POT1: variants seen among roughly 807,000 people sequenced by gnomAD.
The protein encoded by POT1 is protection of telomeres protein 1.
In POT1, 47 loss-of-function variants were observed where a neutral mutation model predicts 78.5. The observed-to-expected ratio is 0.60, with a 90% CI of 0.47 to 0.76. The LOEUF (loss-of-function observed/expected upper bound fraction) is 0.76. POT1 is among the 30% of genes least tolerant of loss of function. The pLI, the probability that POT1 is intolerant of heterozygous loss-of-function variation, is 0.00. For missense variants in POT1, 646 were observed against 749.9 expected, an observed-to-expected ratio of 0.86 and a Z score of 1.62; for synonymous variants, 259 against 260.7, an observed-to-expected ratio of 0.99 and a Z score of 0.06.
At chr7:124,848,143 C>G (rs1183239850) in intron 11 of POT1, among the ~76,000 whole-genome samples, 2 of 152,046 alleles carry the variant, frequency 1.3e-5, no homozygotes, top group East Asian at 3.9e-4. Flanking sequence ...AGTTCTAGAA[C>G]AGCAAATCTA....
intron 9 of POT1, among the ~76,000 whole-genome samples, chr7:124,855,398 C>T (rs1446659927): frequency 6.6e-6 from 1 of 151,522 alleles, no homozygotes; most frequent in African/African-American, 2.4e-5. Context: ...TATTTTTTAA[C>T]ATAACAAAAT....
In POT1 at chr7:124,923,754, A is replaced by T. The variant is rs140966674; in HGVS notation, c.-227+5061T>A. Among the ~76,000 whole-genome samples the T allele has an allele frequency of 4.2e-3, 635 of 151,734 alleles. 4 individuals are homozygous for T. The highest frequency in any genetic ancestry group is 6.8e-3 in the Middle Eastern group (2 of 294). On this transcript the variant is annotated intron_variant, in intron 2 of 18. Transcript: ENST00000357628. ...TCAGAATGTGTAAAGTCAAAGTTAA[A>T]AAAAAAAAAATCTTAAAATTACCAA...
chr7:124,864,928 T>C (rs1795684613), intron 7 of POT1, among the ~76,000 whole-genome samples: 1 of 152,210 alleles, frequency 6.6e-6, no homozygotes, highest in Non-Finnish European at 1.5e-5. Flanking sequence ...TTCTTAACTA[T>C]CCAGCTTCTA....
intron 7 of POT1, among the ~76,000 whole-genome samples, chr7:124,864,239 C>T (rs1462240867): frequency 1.3e-5 from 2 of 152,122 alleles, no homozygotes; most frequent in Admixed American, 6.6e-5. Context: ...GTAGTAATAT[C>T]GTTACTTCAT....
At position 124,842,885 on chromosome 7, in the gene POT1, A is replaced by C; in HGVS notation, c.1085T>G (p.Ile362Ser). ...CTTATATGACCTCAATTTTGCTCGG[A>C]TGCGGTATTGTTGAGGAGCTTTTTG... ...LKQKAPQQYR[I>S]RAKLRSYKPR... Residue 362 changes from isoleucine to serine, a missense_variant, in exon 13 of 19, where the codon ATC becomes AGC. This residue lies in a region of POT1 where 394 missense variants were observed against 408.4 expected (regional missense o/e 0.96). Transcript: ENST00000357628. 2 of 1,611,320 alleles carry C rather than the reference A, an allele frequency of 1.2e-6. No individual in the cohort carries two copies. The highest frequency in any genetic ancestry group is 1.1e-5 in the South Asian group (1 of 90,486).
chr7:124,874,088 A>C (rs1795933161), intron 6 of POT1, among the ~76,000 whole-genome samples: 1 of 152,184 alleles, frequency 6.6e-6, no homozygotes. Flanking sequence ...TGTATTTAAC[A>C]ACCTTTCCAT....
rs1360260625 is a variant in POT1 at position 124,853,102 on chromosome 7, T to C, written c.739A>G (p.Lys247Glu). 5.0e-6 allele frequency: 8 copies of C among 1,605,834 alleles called. No homozygotes were observed. The highest frequency in any genetic ancestry group is 6.8e-6 in the Non-Finnish European group (8 of 1,172,940). ...TTCTCTGAATTCATTGATTGAAGTT[T>C]GGTATGAAGGCTATAGATTCTAAGA... ...SFLRIYSLHTKLQSMNSENQT... is the reference protein window; with the variant it reads ...SFLRIYSLHTELQSMNSENQT... The change falls in exon 10 of 19, where the codon AAA becomes GAA. Residue 247 changes from lysine (K) to glutamate (E), a missense_variant. Lys to Glu is a moderately conservative substitution (Grantham distance 56, BLOSUM62 1). Around this residue, in one of 2 missense-constraint regions of POT1, gnomAD observed 252 missense variants for 341.4 expected, o/e 0.74. Coordinates refer to ENST00000357628, the MANE Select transcript of POT1 (RefSeq NM_015450.3).
chr7:124,858,394 T>C (rs954176437), intron 9 of POT1, among the ~76,000 whole-genome samples: 1 of 152,208 alleles, frequency 6.6e-6, no homozygotes, highest in Non-Finnish European at 1.5e-5. Flanking sequence ...TTTTTGTTAA[T>C]AGTTAAGTAC....
In POT1 at chr7:124,852,995, G is replaced by A. The variant is rs142704514; in HGVS notation, c.846C>T (p.Asn282=). The A allele has an allele frequency of 3.5e-4, 566 of 1,613,178 alleles. 5 individuals carry two copies. The East Asian group carries it at 0.011, about 31-fold the overall frequency. The part of the protein sequence containing the change: ...GRGIRVLPES[N]SDVDQLKKDL... ...ACTTTTTCAGTTGATCCACATCAGAGTTACTTTCTGGCAAGACCCTGATTC... is the reference window on the plus strand; with the variant it reads ...ACTTTTTCAGTTGATCCACATCAGAATTACTTTCTGGCAAGACCCTGATTC... Residue 282 remains asparagine, a synonymous_variant, in exon 10 of 19, where the codon AAC becomes AAT. Coordinates refer to ENST00000357628, the MANE Select transcript of POT1 (RefSeq NM_015450.3).
At chr7:124,867,337 T>G (rs567521022) in intron 7 of POT1, among the ~76,000 whole-genome samples, 24 of 152,250 alleles carry the variant, frequency 1.6e-4, no homozygotes, top group Non-Finnish European at 2.5e-4. Context: ...GAACCAATAA[T>G]TTCATGTTCA....
chr7:124,927,671 A>T (rs1041018577), intron 2 of POT1, among the ~76,000 whole-genome samples: 1 of 152,152 alleles, frequency 6.6e-6, no homozygotes, highest in East Asian at 1.9e-4. Flanking sequence ...ACCCATCTAA[A>T]TGAGAGTCCC....
intron 14 of POT1, among the ~76,000 whole-genome samples, chr7:124,835,638 G>T (rs1794882265): frequency 6.6e-6 from 1 of 152,110 alleles, no homozygotes; most frequent in Admixed American, 6.6e-5. Flanking sequence ...TAAAGCTTGT[G>T]AAATTTTAAC....
In POT1 at chr7:124,898,331, G is replaced by C. The variant is rs1796542681; in HGVS notation, c.-110C>G. 6.6e-6 allele frequency: 1 copy of C among 151,068 alleles called. No individual in the cohort carries two copies. The highest frequency in any genetic ancestry group is 2.4e-5 in the African/African-American group (1 of 41,122). 9.4% of individuals were successfully genotyped at this position (151,068 alleles called of 1,614,324 possible). A position where few individuals can be genotyped will look rare whatever the true frequency, so the allele number is the denominator to read the frequency against. ...AGGTTTACCATCTCTGCTTGTAGAT[G>C]AAGAAGCTAAAAAAACAATAAATCT... On this transcript the variant is annotated 5_prime_UTR_variant, in exon 4 of 19. Coordinates refer to ENST00000357628, the MANE Select transcript of POT1 (RefSeq NM_015450.3).
At chr7:124,869,239 GTAGTTCA>G (rs1795805378) in intron 7 of POT1, among the ~76,000 whole-genome samples, 1 of 152,130 alleles carries the variant, frequency 6.6e-6, no homozygotes, top group Non-Finnish European at 1.5e-5. Flanking sequence ...GTGTACCCAT[GTAGTTCA>G]AACCTGTGTT....
At chr7:124,884,638 G>T (rs935151338) in intron 6 of POT1, among the ~76,000 whole-genome samples, 1 of 151,874 alleles carries the variant, frequency 6.6e-6, no homozygotes, top group African/African-American at 2.4e-5. Context: ...CAAAATTTGA[G>T]GAAAGAACAA....
At chr7:124,875,732 A>C (rs1390617099) in intron 6 of POT1, among the ~76,000 whole-genome samples, 1 of 152,206 alleles carries the variant, frequency 6.6e-6, no homozygotes, top group East Asian at 1.9e-4. Flanking sequence ...TTCTAAAAAT[A>C]GGGAGAAAAT....
intron 12 of POT1, among the ~76,000 whole-genome samples, chr7:124,844,969 T>G (rs1795129754): frequency 6.6e-6 from 1 of 152,220 alleles, no homozygotes. Context: ...TCATTGTCAC[T>G]GTGCCTGTCT....
chr7:124,844,263 G>T (rs1795105704), intron 12 of POT1, among the ~76,000 whole-genome samples: 1 of 150,850 alleles, frequency 6.6e-6, no homozygotes, highest in Non-Finnish European at 1.5e-5. Flanking sequence ...TAAGTAGCTG[G>T]GATTACAGGC....
In POT1 at chr7:124,822,426, G is replaced by A. The variant is rs984816723; in HGVS notation, c.*1536C>T. The A allele has an allele frequency of 2.2e-5, 7 of 319,738 alleles. No homozygotes were observed. The highest frequency in any genetic ancestry group is 9.8e-5 in the Admixed American group (3 of 30,622). 19.8% of individuals were successfully genotyped at this position (319,738 alleles called of 1,614,324 possible). Reference sequence around the variant, plus strand: ...TGTTTATTTAAAACAAAAATAAGAAGAGACATGGCCTATCATCATGAAGAT... The same window carrying A: ...TGTTTATTTAAAACAAAAATAAGAAAAGACATGGCCTATCATCATGAAGAT... On this transcript the variant is annotated 3_prime_UTR_variant, in exon 19 of 19. Transcript: ENST00000357628.
Sources: allele counts gnomAD v4.1 joint callset (sites outside exome capture counted in the v4.1 genomes callset), GRCh38; gene constraint gnomAD v4.1.1; regional missense constraint gnomAD v4.1.1; transcripts MANE v1.5; gene names NCBI Gene and HGNC (gene_info 2026-07-23, HGNC 2026-07-21).